The following ADARB2 variants were observed in gnomAD, a reference collection of about 807,000 sequenced individuals.
ADARB2 encodes inactive double-stranded RNA-specific editase B2.
A neutral mutation model predicts 62.2 loss-of-function variants in ADARB2; 25 were observed. The observed-to-expected ratio is 0.40, with a 90% confidence interval of 0.29 to 0.56. The LOEUF (loss-of-function observed/expected upper bound fraction) is 0.56, where lower values mean the gene tolerates loss of function less well. Ranked by LOEUF, ADARB2 falls within the 20% of genes least tolerant of loss-of-function variation. ADARB2 has a pLI of 0.43. For missense variants in ADARB2, 1,071 were observed against 1,077.4 expected, an observed-to-expected ratio of 0.99 and a Z score of 0.08; for synonymous variants, 572 against 500.8, an observed-to-expected ratio of 1.14 and a Z score of -1.90.
At chr10:1,201,567 C>T (rs1836985203) in intron 7 of ADARB2, among the ~76,000 whole-genome samples, 1 of 151,010 alleles carries the variant, frequency 6.6e-6, no homozygotes, top group Non-Finnish European at 1.5e-5. Context: ...CCACAGAGCG[C>T]CTGTCACCGA....
At chr10:1,194,441 T>G (rs1836880406) in intron 8 of ADARB2, among the ~76,000 whole-genome samples, 1 of 152,250 alleles carries the variant, frequency 6.6e-6, no homozygotes, top group Non-Finnish European at 1.5e-5. Flanking sequence ...CACGATTGCA[T>G]GAGCTGATTT....
At chr10:1,729,154 A>T (rs1045477264) in intron 1 of ADARB2, among the ~76,000 whole-genome samples, 3 of 152,242 alleles carry the variant, frequency 2.0e-5, no homozygotes. Context: ...GAATTGAAGC[A>T]TGAATAAAAT....
At position 1,703,566 on chromosome 10, in the gene ADARB2, C is replaced by T. The variant is rs544159350; in HGVS notation, c.100+33485G>A. On this transcript the variant is annotated intron_variant, in intron 1 of 9. Coordinates refer to ENST00000381312, the MANE Select transcript of ADARB2 (RefSeq NM_018702.4). The stretch of plus-strand genomic sequence containing the variant: ...AACTGGAAAGTGAGGTATGTGGAGT[C>T]ACATCTCCCTTAAAAATAGAATGGG... Among the ~76,000 whole-genome samples, 71 of 152,178 alleles carry T rather than the reference C, an allele frequency of 4.7e-4. 1 individual carries two copies. Among genetic ancestry groups the T allele is most frequent in the Admixed American group, 2.9e-3 (45 of 15,292 alleles).
At chr10:1,256,182 A>C (rs1393243815) in intron 4 of ADARB2, among the ~76,000 whole-genome samples, 1 of 152,114 alleles carries the variant, frequency 6.6e-6, no homozygotes, top group African/African-American at 2.4e-5. Flanking sequence ...TTGGTTTTTG[A>C]ACATCCAGCT....
At chr10:1,626,717 C>T (rs1250716063) in intron 1 of ADARB2, among the ~76,000 whole-genome samples, 2 of 152,186 alleles carry the variant, frequency 1.3e-5, no homozygotes, top group South Asian at 2.1e-4. Flanking sequence ...TGGCTACACA[C>T]GTCCCGGCTT....
At chr10:1,731,550 G>C (rs775131018) in intron 1 of ADARB2, among the ~76,000 whole-genome samples, 29 of 152,128 alleles carry the variant, frequency 1.9e-4, no homozygotes, top group Non-Finnish European at 4.1e-4. Flanking sequence ...GTCTCTATTT[G>C]ATATTGGTAT....
intron 4 of ADARB2, among the ~76,000 whole-genome samples, chr10:1,264,644 C>T (rs1455518844): frequency 6.6e-6 from 1 of 152,182 alleles, no homozygotes. Context: ...TGCAGCAAAA[C>T]ATAGTCTACA....
intron 1 of ADARB2, among the ~76,000 whole-genome samples, chr10:1,584,533 G>A (rs550051549): frequency 6.6e-6 from 1 of 152,300 alleles, no homozygotes; most frequent in African/African-American, 2.4e-5. Flanking sequence ...CAGTTCCATG[G>A]TTTCTAACAA....
At chr10:1,587,876 G>A (rs1159818659) in intron 1 of ADARB2, among the ~76,000 whole-genome samples, 1 of 152,002 alleles carries the variant, frequency 6.6e-6, no homozygotes, top group East Asian at 1.9e-4. Context: ...CCTTTCTCTT[G>A]GCTCTCATTC....
At chr10:1,288,227 A>G (rs1831431453) in intron 3 of ADARB2, among the ~76,000 whole-genome samples, 1 of 152,256 alleles carries the variant, frequency 6.6e-6, no homozygotes, top group Admixed American at 6.5e-5. Flanking sequence ...CTCGGGGAAA[A>G]GAATCAATCA....
chr10:1,362,972 G>T, intron 3 of ADARB2, 56 bp downstream of exon 3: 1 of 1,267,140 alleles, frequency 7.9e-7, no homozygotes, highest in Middle Eastern at 2.7e-4. Context: ...AAAGGTCGGG[G>T]TCTCCCCCGC....
intron 1 of ADARB2, among the ~76,000 whole-genome samples, chr10:1,536,656 A>C (rs1159557888): frequency 1.3e-5 from 2 of 152,218 alleles, no homozygotes; most frequent in Non-Finnish European, 2.9e-5. Flanking sequence ...GGCTCTAGAC[A>C]GGCAAAATGT....
chr10:1,292,799 G>A (rs530761877), intron 3 of ADARB2: 2 of 152,322 alleles, frequency 1.3e-5, no homozygotes, highest in East Asian at 1.9e-4. Flanking sequence ...GTCGAATGAC[G>A]TGTGGCTGCT....
chr10:1,642,095 T>G (rs1430353074), intron 1 of ADARB2, among the ~76,000 whole-genome samples: 1 of 152,252 alleles, frequency 6.6e-6, no homozygotes, highest in Non-Finnish European at 1.5e-5. Flanking sequence ...TCTTTTTATT[T>G]TTTAGACCAA....
At chr10:1,545,635 T>G (rs1832507700) in intron 1 of ADARB2, among the ~76,000 whole-genome samples, 1 of 152,162 alleles carries the variant, frequency 6.6e-6, no homozygotes, top group African/African-American at 2.4e-5. Flanking sequence ...GCTGTGGCCT[T>G]AGCAGCCAAG....
intron 1 of ADARB2, among the ~76,000 whole-genome samples, chr10:1,540,139 A>G (rs1054268902): frequency 6.6e-5 from 10 of 152,194 alleles, no homozygotes; most frequent in African/African-American, 2.2e-4. Context: ...CCCGATTCTC[A>G]ACAATATAAG....
intron 1 of ADARB2, among the ~76,000 whole-genome samples, chr10:1,580,047 G>A (rs1209410403): frequency 6.6e-6 from 1 of 152,240 alleles, no homozygotes; most frequent in Non-Finnish European, 1.5e-5. Flanking sequence ...GCAGACGAGC[G>A]AGTCACCAGT....
At chr10:1,628,702 C>T (rs372973839) in intron 1 of ADARB2, among the ~76,000 whole-genome samples, 4 of 152,222 alleles carry the variant, frequency 2.6e-5, no homozygotes, top group African/African-American at 4.8e-5. Flanking sequence ...TGGATCTCTA[C>T]GTTTTAAATG....
intron 1 of ADARB2, among the ~76,000 whole-genome samples, chr10:1,433,884 G>A (rs1057286230): frequency 5.9e-5 from 9 of 152,098 alleles, no homozygotes; most frequent in South Asian, 2.1e-4. Context: ...CAAAGTTTCC[G>A]CTAAGATACA....
Sources: gnomAD v4.1 joint callset for allele counts (sites outside exome capture counted in the v4.1 genomes callset) on GRCh38, gnomAD v4.1.1 for gene constraint, MANE v1.5 for transcripts, NCBI Gene and HGNC (gene_info 2026-07-23, HGNC 2026-07-21) for gene names.